The following RPA2 variants were observed in gnomAD, a reference collection of about 807,000 sequenced individuals.
RPA2 encodes replication protein A 32 kDa subunit.
RPA2 carries 22 observed loss-of-function variants against 33.4 expected under a neutral mutation model. That is an observed-to-expected ratio of 0.66 (90% confidence interval 0.47 to 0.94). The LOEUF is 0.94. Among genes scored for constraint, RPA2 ranks in the 40% least tolerant of loss-of-function variants. The probability of loss-of-function intolerance (pLI) is 0.00; values close to 1 mark genes in which losing one functional copy is unlikely to be tolerated. For synonymous variants in RPA2, 109 were observed against 114.9 expected (o/e 0.95, Z 0.33); for missense variants, 279 against 329.9 (o/e 0.85, Z 1.19).
intron 2 of RPA2, among the ~76,000 whole-genome samples, chr1:27,910,180 T>C (rs1052867956): frequency 6.6e-6 from 1 of 152,208 alleles, no homozygotes; most frequent in Non-Finnish European, 1.5e-5. Flanking sequence ...TGTAGACCCA[T>C]GCTCAAATCC....
intron 8 of RPA2, 59 bp from the exon 9 acceptor site, chr1:27,892,306 C>G: frequency 7.1e-7 from 1 of 1,415,242 alleles, no homozygotes; most frequent in Non-Finnish European, 9.9e-7. Context: ...AGGAAACTGC[C>G]TTTTGGATAT....
At chr1:27,896,027 TTTTA>T (rs780818346) in intron 6 of RPA2, among the ~76,000 whole-genome samples, 58 of 152,258 alleles carry the variant, frequency 3.8e-4, no homozygotes, top group Non-Finnish European at 6.6e-4. Flanking sequence ...TCTTCTCCTG[TTTTA>T]TTTACTTCAG....
At chr1:27,895,327 CAGG>C (rs2148651897) in intron 6 of RPA2, among the ~76,000 whole-genome samples, 1 of 152,258 alleles carries the variant, frequency 6.6e-6, no homozygotes, top group South Asian at 2.1e-4. Context: ...GAGGCTGAGG[CAGG>C]AGAATTGCTT....
intron 8 of RPA2, among the ~76,000 whole-genome samples, chr1:27,893,539 G>C (rs567043726): frequency 1.3e-5 from 2 of 151,990 alleles, no homozygotes; most frequent in Non-Finnish European, 2.9e-5. Context: ...TTGAACTCCT[G>C]AGTTCAAGCA....
intron 2 of RPA2, among the ~76,000 whole-genome samples, chr1:27,913,276 C>A (rs1213680151): frequency 6.6e-6 from 1 of 151,324 alleles, no homozygotes; most frequent in Admixed American, 6.6e-5. Context: ...CCTGATGTCG[C>A]CTCATCCCAT....
Position 27,908,788 on chromosome 1 carries a change from G to A in RPA2, c.118-1506C>T, listed in dbSNP as rs766215112. 2.0e-5 allele frequency among the ~76,000 whole-genome samples: 3 copies of A among 152,244 alleles called. No homozygotes were observed. The South Asian group carries it at 6.2e-4, about 32-fold the overall frequency. The stretch of plus-strand genomic sequence containing the variant: ...GTTGGGATTATAGGCGTGAGCCACC[G>A]CGCCAGGCCCAAATCATATCTTAAA... On this transcript the variant is annotated intron_variant, in intron 2 of 8. Coordinates refer to ENST00000373912, the MANE Select transcript of RPA2 (RefSeq NM_002946.5).
intron 1 of RPA2, 109 bp from the exon 2 acceptor site, chr1:27,914,278 T>A (rs753279967): frequency 2.5e-6 from 4 of 1,597,872 alleles, no homozygotes; most frequent in Non-Finnish European, 3.4e-6. Flanking sequence ...CTCCCTAACC[T>A]TCCTCGCCGC....
chr1:27,914,741 A>T (rs532214342), upstream of RPA2: 4 of 1,489,422 alleles, frequency 2.7e-6, no homozygotes, highest in South Asian at 3.5e-5. Flanking sequence ...AACCCTCCGC[A>T]CTAGCGGAAG....
chr1:27,902,468 G>A (rs1363856259), intron 4 of RPA2, among the ~76,000 whole-genome samples: 4 of 151,850 alleles, frequency 2.6e-5, no homozygotes, highest in Non-Finnish European at 5.9e-5. Context: ...ATTTTTAGTA[G>A]AGACTGGGTT....
Position 27,913,962 on chromosome 1 carries a change from T to C in RPA2, c.117+101A>G, listed in dbSNP as rs1167780360. 3 of 1,084,882 alleles carry C rather than the reference T, an allele frequency of 2.8e-6. No homozygotes were observed. The African/African-American group carries it at 4.8e-5, about 17-fold the overall frequency. The allele number at this position is 1,084,882 out of a possible 1,614,324, so 67.2% of individuals were successfully genotyped here. Reference sequence around the variant, plus strand: ...TAATAATAGATCATTATCGCATCAGTTCACGTTGAAATCTTCCTTCAAAGC... The same window carrying C: ...TAATAATAGATCATTATCGCATCAGCTCACGTTGAAATCTTCCTTCAAAGC... On this transcript the variant is annotated intron_variant, in intron 2 of 8. Coordinates refer to ENST00000373912, the MANE Select transcript of RPA2 (RefSeq NM_002946.5).
rs141442449 is a variant in RPA2, at chr1:27,894,380, T to A, written c.543A>T (p.Ala181=). 2,777 of 1,613,318 alleles carry A rather than the reference T, an allele frequency of 1.7e-3. 3 individuals carry two copies. Among genetic ancestry groups the A allele is most frequent in the Non-Finnish European group, 2.3e-3 (2,675 of 1,179,864 alleles). The change falls in exon 7 of 9, where the codon GCA becomes GCT. Residue 181 remains alanine (A), a synonymous_variant. Transcript: ENST00000373912. ...KANSQPSAGR[A]PISNPGMSEA... ...CACTCATTCCTGGATTGCTGATAGGTGCTCTCCCTGCTGAGGGCTGAATTA... is the reference window on the plus strand; with the variant it reads ...CACTCATTCCTGGATTGCTGATAGGAGCTCTCCCTGCTGAGGGCTGAATTA...
intron 2 of RPA2, among the ~76,000 whole-genome samples, chr1:27,911,822 G>C (rs2090100020): frequency 6.6e-6 from 1 of 152,154 alleles, no homozygotes; most frequent in South Asian, 2.1e-4. Context: ...GCCGGGCACG[G>C]TGGCTCACAC....
intron 4 of RPA2, among the ~76,000 whole-genome samples, chr1:27,898,463 T>A (rs1343536161): frequency 3.3e-5 from 5 of 152,028 alleles, no homozygotes; most frequent in African/African-American, 1.2e-4. Context: ...AATGGTTGAC[T>A]AAGATAATTA....
intron 8 of RPA2, among the ~76,000 whole-genome samples, chr1:27,893,811 G>A (rs1430688165): frequency 6.6e-6 from 1 of 152,064 alleles, no homozygotes; most frequent in Non-Finnish European, 1.5e-5. Flanking sequence ...TTTTCACCAT[G>A]TTTGCCAGGC....
chr1:27,914,598 G>A, upstream of RPA2: 1 of 1,613,684 alleles, frequency 6.2e-7, no homozygotes, highest in Non-Finnish European at 8.5e-7. Flanking sequence ...CAGCTCCCGG[G>A]GTGCTCGCTT....
chr1:27,900,854 G>A (rs1339097004), intron 4 of RPA2, among the ~76,000 whole-genome samples: 1 of 152,024 alleles, frequency 6.6e-6, no homozygotes, highest in African/African-American at 2.4e-5. Context: ...TAGTAGAGAC[G>A]AGGTTTCACC....
intron 4 of RPA2, among the ~76,000 whole-genome samples, chr1:27,899,354 G>C (rs891931324): frequency 1.1e-4 from 16 of 151,812 alleles, no homozygotes; most frequent in African/African-American, 3.4e-4. Context: ...AAAATGCAAA[G>C]ATTAGCCAGG....
upstream of RPA2, chr1:27,914,747 G>A (rs1161275656): frequency 3.5e-6 from 5 of 1,422,648 alleles, no homozygotes; most frequent in Non-Finnish European, 4.9e-6. Context: ...CCGCACTAGC[G>A]GAAGCAAGGG....
chr1:27,912,757 G>A (rs2090114765), intron 2 of RPA2, among the ~76,000 whole-genome samples: 1 of 152,076 alleles, frequency 6.6e-6, no homozygotes, highest in Non-Finnish European at 1.5e-5. Flanking sequence ...ATGGATTCTG[G>A]AGCCCCCATG....
Sources: allele counts gnomAD v4.1 joint callset (sites outside exome capture counted in the v4.1 genomes callset), GRCh38; gene constraint gnomAD v4.1.1; transcripts MANE v1.5; gene names NCBI Gene and HGNC (gene_info 2026-07-23, HGNC 2026-07-21).